Variants in SYNPR observed in about 807,000 individuals in gnomAD.
The protein encoded by SYNPR is synaptoporin.
Under a neutral mutation model 32.9 loss-of-function variants are expected in SYNPR, and 23 were observed. The ratio of observed to expected loss-of-function variants is 0.70; its 90% CI spans 0.50 to 0.99. SYNPR has a LOEUF of 0.99. Among genes scored for constraint, SYNPR ranks in the 50% least tolerant of loss-of-function variants. The pLI, the probability that SYNPR is intolerant of heterozygous loss-of-function variation, is 0.00. For synonymous variants in SYNPR, 146 were observed against 135.9 expected, an observed-to-expected ratio of 1.07 and a Z score of -0.52; for missense variants, 318 against 349.3, an observed-to-expected ratio of 0.91 and a Z score of 0.71.
chr3:63,211,430 G>T, the SYNPR span, among the ~76,000 whole-genome samples: 2 of 152,168 alleles, frequency 1.3e-5, no homozygotes, highest in Non-Finnish European at 2.9e-5. Flanking sequence ...ACAAGAGCAA[G>T]GAGATTCAAG....
At chr3:63,421,887 G>T (rs1699807677) in intron 2 of SYNPR, among the ~76,000 whole-genome samples, 1 of 152,200 alleles carries the variant, frequency 6.6e-6, no homozygotes, top group African/African-American at 2.4e-5. Flanking sequence ...AGGACAGCTT[G>T]CCTGCTTTTT....
In SYNPR at chr3:63,290,557, T is replaced by C. The variant is rs567617386; in HGVS notation, c.84+11815T>C. On this transcript the variant is annotated intron_variant, in intron 2 of 5. Transcript: ENST00000478300. ...CTCCTTGAGAAAATTTTACTGAACT[T>C]GTGTATCTTTTTTTTTTAACAAAAT... 2.3e-4 allele frequency among the ~76,000 whole-genome samples: 29 copies of C among 127,918 alleles called. No individual in the cohort carries two copies. In the East Asian group the frequency reaches 5.3e-3, roughly 23 times the overall value. 83.9% of individuals were successfully genotyped at this position (127,918 alleles called of 152,430 possible).
intron 3 of SYNPR, among the ~76,000 whole-genome samples, chr3:63,537,000 A>T (rs1027783462): frequency 7.2e-5 from 11 of 152,080 alleles, no homozygotes; most frequent in South Asian, 4.1e-4. Context: ...GGAAATGAAA[A>T]TGTTCTGAAA....
At chr3:63,237,630 C>T (rs2086209506) in intron 1 of SYNPR, among the ~76,000 whole-genome samples, 1 of 151,970 alleles carries the variant, frequency 6.6e-6, no homozygotes. Context: ...CTACTGTGAA[C>T]ATTTTGTCTA....
At chr3:63,365,770 C>T (rs1175451159) in intron 2 of SYNPR, among the ~76,000 whole-genome samples, 1 of 152,098 alleles carries the variant, frequency 6.6e-6, no homozygotes, top group Non-Finnish European at 1.5e-5. Context: ...TACGTATGTG[C>T]ACGTGTGTGT....
At chr3:63,277,139 G>C (rs987066858), upstream of SYNPR, among the ~76,000 whole-genome samples, 4 of 151,602 alleles carry the variant, frequency 2.6e-5, no homozygotes, top group East Asian at 5.8e-4. Flanking sequence ...TTGTTTTTCT[G>C]ATTTTAAAAA....
intron 4 of SYNPR, among the ~76,000 whole-genome samples, chr3:63,582,742 C>T (rs1409442680): frequency 6.6e-6 from 1 of 152,054 alleles, no homozygotes; most frequent in Non-Finnish European, 1.5e-5. Flanking sequence ...GTTAGGGACC[C>T]AGGCTCTGGA....
At chr3:63,556,180 C>T (rs1702591603) in intron 3 of SYNPR, among the ~76,000 whole-genome samples, 1 of 152,114 alleles carries the variant, frequency 6.6e-6, no homozygotes, top group Non-Finnish European at 1.5e-5. Flanking sequence ...TCTGGAGATA[C>T]AGTTAGGGGC....
At chr3:63,601,184 A>G (rs1700035694) in intron 4 of SYNPR, among the ~76,000 whole-genome samples, 1 of 151,928 alleles carries the variant, frequency 6.6e-6, no homozygotes, top group Non-Finnish European at 1.5e-5. Flanking sequence ...GAGGGAGGAG[A>G]ATCGCTTGAA....
intron 4 of SYNPR, among the ~76,000 whole-genome samples, chr3:63,561,899 C>A (rs940730168): frequency 2.0e-5 from 3 of 152,112 alleles, no homozygotes; most frequent in African/African-American, 7.2e-5. Flanking sequence ...ATATGTATGA[C>A]AAGATTGCCC....
chr3:63,419,100 ACT>A (rs2088576193), intron 2 of SYNPR, among the ~76,000 whole-genome samples: 1 of 152,040 alleles, frequency 6.6e-6, no homozygotes, highest in Admixed American at 6.6e-5. Context: ...TGTCAAACAA[ACT>A]CTTATTTATT....
intron 2 of SYNPR, among the ~76,000 whole-genome samples, chr3:63,303,938 T>C (rs1381577189): frequency 6.6e-6 from 1 of 151,986 alleles, no homozygotes; most frequent in African/African-American, 2.4e-5. Flanking sequence ...TGGATAATTC[T>C]GGGCAGTTGA....
intron 5 of SYNPR, among the ~76,000 whole-genome samples, chr3:63,609,904 G>A (rs928993547): frequency 6.6e-6 from 1 of 151,888 alleles, no homozygotes; most frequent in Non-Finnish European, 1.5e-5. Flanking sequence ...AGTGAGACTC[G>A]GTCTCAAAAA....
chr3:63,384,706 G>T (rs191923632), intron 2 of SYNPR, among the ~76,000 whole-genome samples: 1 of 152,152 alleles, frequency 6.6e-6, no homozygotes, highest in East Asian at 1.9e-4. Context: ...TATGGAGCTC[G>T]TACTATGTGT....
chr3:63,350,746 A>G (rs114724547), intron 2 of SYNPR, among the ~76,000 whole-genome samples: 30 of 152,318 alleles, frequency 2.0e-4, no homozygotes, highest in African/African-American at 6.7e-4. Context: ...ACAATCAGAA[A>G]TATACATGTA....
rs894262261 is a variant in SYNPR at position 63,297,478 on chromosome 3, G to T, written c.84+18736G>T. Among the ~76,000 whole-genome samples the T allele has an allele frequency of 5.9e-5, 9 of 152,272 alleles. No individual in the cohort carries two copies. In the South Asian group the frequency reaches 1.4e-3, roughly 25 times the overall value. ...CAAAATTGGTGCTAATTTGTTAGCA[G>T]TATATCCCATAAAAATAGTTATGTT... On this transcript the variant is annotated intron_variant, in intron 2 of 5. Transcript: ENST00000478300.
At chr3:63,493,642 C>G (rs6799148) in intron 3 of SYNPR, among the ~76,000 whole-genome samples, 91,570 of 151,290 alleles carry the variant, frequency 0.61, 27,921 homozygotes, top group African/African-American at 0.67. Flanking sequence ...ATGGTGAAAC[C>G]TCATCTCTAC....
chr3:63,575,272 G>A (rs560834423), intron 4 of SYNPR, among the ~76,000 whole-genome samples: 35 of 152,112 alleles, frequency 2.3e-4, no homozygotes, highest in Admixed American at 1.6e-3. Context: ...CCAGGCCCTC[G>A]TTTCATACCC....
chr3:63,597,979 A>G (rs190469955), intron 4 of SYNPR, among the ~76,000 whole-genome samples: 92 of 152,264 alleles, frequency 6.0e-4, no homozygotes, highest in Non-Finnish European at 1.2e-3. Context: ...TCATTCTAAA[A>G]TTCTTGGAGG....
Sources: gnomAD v4.1 joint callset for allele counts (sites outside exome capture counted in the v4.1 genomes callset) on GRCh38, gnomAD v4.1.1 for gene constraint, MANE v1.5 for transcripts, NCBI Gene and HGNC (gene_info 2026-07-23, HGNC 2026-07-21) for gene names.